Variants in LRBA observed in about 807,000 individuals in gnomAD.
The protein encoded by LRBA is LPS responsive beige-like anchor protein, also known as lipopolysaccharide-responsive and beige-like anchor protein.
LRBA carries 176 observed loss-of-function variants against 330.0 expected under a neutral mutation model. That is an observed-to-expected ratio of 0.53 (90% CI 0.47 to 0.60). The LOEUF is 0.60. Ranked by LOEUF, LRBA falls within the 20% of genes least tolerant of loss-of-function variation. The pLI is 0.00. For missense variants in LRBA, 3,259 were observed against 3,444.8 expected, an observed-to-expected ratio of 0.95 and a Z score of 1.35; for synonymous variants, 1,230 against 1,193.0, an observed-to-expected ratio of 1.03 and a Z score of -0.64.
intron 35 of LRBA, among the ~76,000 whole-genome samples, chr4:150,746,097 T>C (rs1410101178): frequency 1.3e-5 from 2 of 152,226 alleles, no homozygotes; most frequent in Admixed American, 6.5e-5. Flanking sequence ...TCTAAACTTA[T>C]AGAAACATAT....
chr4:150,519,322 A>G (rs1016635741), intron 40 of LRBA, among the ~76,000 whole-genome samples: 2 of 152,094 alleles, frequency 1.3e-5, no homozygotes, highest in African/African-American at 4.8e-5. Flanking sequence ...ATCCTATTAT[A>G]ATATAATATT....
At position 150,274,888 on chromosome 4, in the gene LRBA, A is replaced by G. The variant is rs191903663; in HGVS notation, c.8468+2965T>C. Among the ~76,000 whole-genome samples, 18 of 152,330 alleles carry G rather than the reference A, an allele frequency of 1.2e-4. No individual in the cohort carries two copies. In the East Asian group the frequency reaches 3.5e-3, roughly 29 times the overall value. The stretch of plus-strand genomic sequence containing the variant: ...AGCTGGTACCATTCCTTCTGAAACT[A>G]TTCCAATCAATAGAAAAAGAGGGAA... On this transcript the variant is annotated intron_variant, in intron 56 of 56. Transcript: ENST00000651943.
chr4:150,664,261 T>C (rs1561490732), intron 37 of LRBA, among the ~76,000 whole-genome samples: 1 of 152,166 alleles, frequency 6.6e-6, no homozygotes, highest in Non-Finnish European at 1.5e-5. Flanking sequence ...TCATAACCGA[T>C]TGTTATAATG....
intron 22 of LRBA, among the ~76,000 whole-genome samples, chr4:150,864,669 CAG>C (rs1302386067): frequency 8.6e-6 from 1 of 116,542 alleles, no homozygotes; most frequent in Non-Finnish European, 1.6e-5. Context: ...TTTTTTGAGA[CAG>C]AGTCTCACTC....
chr4:150,519,226 G>A (rs1408962351), intron 40 of LRBA, among the ~76,000 whole-genome samples: 1 of 151,662 alleles, frequency 6.6e-6, no homozygotes, highest in Non-Finnish European at 1.5e-5. Flanking sequence ...ATTTTATTAA[G>A]GTATAGAAAA....
intron 2 of LRBA, among the ~76,000 whole-genome samples, chr4:151,001,975 A>T (rs1181248862): frequency 1.3e-5 from 2 of 151,894 alleles, no homozygotes; most frequent in African/African-American, 4.8e-5. Context: ...CCAAAAAATC[A>T]CAGACGCCAC....
At chr4:150,555,756 A>AACACACACACAC (rs34497958) in intron 40 of LRBA, among the ~76,000 whole-genome samples, 558 of 144,690 alleles carry the variant, frequency 3.9e-3, no homozygotes, top group Middle Eastern at 0.021. Context: ...GTCTTATAAA[A>AACACACACACAC]ACACACACAC....
At chr4:150,610,800 A>G (rs1040190296) in intron 37 of LRBA, among the ~76,000 whole-genome samples, 1 of 152,058 alleles carries the variant, frequency 6.6e-6, no homozygotes, top group African/African-American at 2.4e-5. Flanking sequence ...ATAGACATTG[A>G]CTCATTGGGA....
intron 36 of LRBA, among the ~76,000 whole-genome samples, chr4:150,720,306 A>G (rs1400003778): frequency 1.3e-5 from 2 of 152,158 alleles, no homozygotes; most frequent in Non-Finnish European, 2.9e-5. Flanking sequence ...ACATCTGATG[A>G]AAAAGTATCT....
intron 2 of LRBA, among the ~76,000 whole-genome samples, chr4:150,992,329 A>AC (rs397995817): frequency 1.3e-5 from 2 of 151,518 alleles, no homozygotes; most frequent in Non-Finnish European, 2.9e-5. Context: ...AAAAAAAAAA[A>AC]GGTAACGAGC....
At chr4:150,437,609 G>C (rs372917449) in intron 44 of LRBA, among the ~76,000 whole-genome samples, 3 of 150,758 alleles carry the variant, frequency 2.0e-5, no homozygotes. Context: ...ACTTATACTG[G>C]AAAATAATAC....
At chr4:150,829,871 CTTTTT>C (rs1474653104) in intron 29 of LRBA, among the ~76,000 whole-genome samples, 4 of 152,202 alleles carry the variant, frequency 2.6e-5, no homozygotes, top group Non-Finnish European at 4.4e-5. Context: ...AATTTCTTCT[CTTTTT>C]ATCTTTCCCT....
At chr4:150,397,123 C>G (rs1025015550) in intron 47 of LRBA, among the ~76,000 whole-genome samples, 2 of 152,076 alleles carry the variant, frequency 1.3e-5, no homozygotes, top group Non-Finnish European at 2.9e-5. Flanking sequence ...ATAAACACAT[C>G]TTATATACTA....
rs80114070 is a variant in LRBA, at chr4:150,490,689, A to C, written c.6448+229T>G. Among the ~76,000 whole-genome samples, 171 of 152,032 alleles carry C rather than the reference A, an allele frequency of 1.1e-3. 1 individual carries two copies. The East Asian group carries it at 0.027, about 24-fold the overall frequency. On this transcript the variant is annotated intron_variant, in intron 41 of 56. Coordinates refer to ENST00000651943, the MANE Select transcript of LRBA (RefSeq NM_001364905.1). ...GTATTCCTTATGTTTATAAAGCCTT[A>C]TATCAATTTGTGATATGGCAAAAAA...
At chr4:150,496,341 T>G (rs1759591792) in intron 40 of LRBA, among the ~76,000 whole-genome samples, 1 of 152,122 alleles carries the variant, frequency 6.6e-6, no homozygotes, top group Non-Finnish European at 1.5e-5. Flanking sequence ...TTTTTTGTTT[T>G]CTTGTCCTCA....
intron 5 of LRBA, among the ~76,000 whole-genome samples, chr4:150,920,705 T>C (rs1733158831): frequency 6.6e-6 from 1 of 152,210 alleles, no homozygotes; most frequent in Non-Finnish European, 1.5e-5. Context: ...ATAATTGTCT[T>C]ATGTATAAAC....
chr4:150,852,300 G>A lies in LRBA; in HGVS notation c.3410C>T (p.Ala1137Val). The change falls in exon 23 of 57, where the codon GCT becomes GTT. Residue 1137 changes from alanine (A) to valine (V), a missense_variant. By Grantham distance (64) the Ala-to-Val change is moderately conservative. Coordinates refer to ENST00000651943, the MANE Select transcript of LRBA (RefSeq NM_001364905.1). The stretch of plus-strand genomic sequence containing the variant: ...CAGTTTTTCACCGGCTTCAGATGCA[G>A]CTGGAGACAAACTGTTATCTTGGAG... ...TELQDNSLSP[A>V]ASEAGEKLDM... 3 of 1,614,016 alleles carry A rather than the reference G, an allele frequency of 1.9e-6. No individual in the cohort carries two copies. The highest frequency in any genetic ancestry group is 4.5e-5 in the East Asian group (2 of 44,880).
At chr4:150,279,076 G>A (rs1157435290) in intron 55 of LRBA, among the ~76,000 whole-genome samples, 2 of 152,062 alleles carry the variant, frequency 1.3e-5, no homozygotes, top group Non-Finnish European at 2.9e-5. Flanking sequence ...CCACCCGCTC[G>A]GACTCCCAAA....
intron 14 of LRBA, among the ~76,000 whole-genome samples, chr4:150,899,730 A>G (rs965710425): frequency 2.0e-5 from 3 of 152,164 alleles, no homozygotes; most frequent in African/African-American, 7.2e-5. Flanking sequence ...AATCCATCTC[A>G]GCATCAATTA....
Sources: gnomAD v4.1 joint callset for allele counts (sites outside exome capture counted in the v4.1 genomes callset) on GRCh38, gnomAD v4.1.1 for gene constraint, MANE v1.5 for transcripts, NCBI Gene and HGNC (gene_info 2026-07-23, HGNC 2026-07-21) for gene names.